The following IL6R variants were observed in gnomAD, a reference collection of about 807,000 sequenced individuals.
The protein encoded by IL6R is interleukin-6 receptor subunit alpha.
IL6R carries 38 observed loss-of-function variants against 48.3 expected under a neutral mutation model. That is an observed-to-expected ratio of 0.79 (90% CI 0.61 to 1.03). The LOEUF (loss-of-function observed/expected upper bound fraction) is 1.03, where lower values mean the gene tolerates loss of function less well. IL6R is among the 50% of genes least tolerant of loss of function. IL6R has a pLI of 0.00. For missense variants in IL6R, 534 were observed against 618.3 expected (o/e 0.86, Z 1.45); for synonymous variants, 264 against 256.2 (o/e 1.03, Z -0.29).
intron 1 of IL6R, among the ~76,000 whole-genome samples, chr1:154,408,716 C>G (rs1362791617): frequency 6.6e-6 from 1 of 152,138 alleles, no homozygotes; most frequent in Non-Finnish European, 1.5e-5. Flanking sequence ...CTCCCTTCCC[C>G]CGTCTCCTGA....
intron 6 of IL6R, among the ~76,000 whole-genome samples, chr1:154,441,187 A>G (rs1689913097): frequency 6.6e-6 from 1 of 152,134 alleles, no homozygotes; most frequent in Admixed American, 6.6e-5. Flanking sequence ...TGGTCTGTGA[A>G]TTCTTCACCT....
chr1:154,433,108 G>A (rs922900967), intron 3 of IL6R, among the ~76,000 whole-genome samples: 2 of 152,220 alleles, frequency 1.3e-5, no homozygotes, highest in South Asian at 2.1e-4. Flanking sequence ...TAAAGCAGTC[G>A]GTGACCCTGC....
At chr1:154,406,218 G>T (rs919005445) in intron 1 of IL6R, among the ~76,000 whole-genome samples, 2 of 152,206 alleles carry the variant, frequency 1.3e-5, no homozygotes, top group Non-Finnish European at 2.9e-5. Flanking sequence ...GGATGACAGT[G>T]CCCTGACTAT....
chr1:154,417,762 T>G (rs2149216166), intron 1 of IL6R, among the ~76,000 whole-genome samples: 1 of 127,494 alleles, frequency 7.8e-6, no homozygotes, highest in South Asian at 2.4e-4. Flanking sequence ...TTTTTTGAGA[T>G]GGAGTTTCAC....
In IL6R at chr1:154,430,706, G is replaced by A. The variant is rs113868182; in HGVS notation, c.458+100G>A. On this transcript the variant is annotated intron_variant, in intron 3 of 9. Transcript: ENST00000368485. The stretch of plus-strand genomic sequence containing the variant: ...GGTGATTTCAAAACATTATCATTAG[G>A]AATTAATTCCTTCAGGCTGAGGAAG... The A allele has an allele frequency of 6.8e-6, 10 of 1,467,758 alleles. No individual in the cohort carries two copies. In the African/African-American group the frequency reaches 1.3e-4, roughly 18 times the overall value. The allele number at this position is 1,467,758 out of a possible 1,614,324, so 90.9% of individuals were successfully genotyped here.
chr1:154,414,327 A>G lies in IL6R; in HGVS notation c.85+8613A>G, dbSNP rs571474415. On this transcript the variant is annotated intron_variant, in intron 1 of 9. Transcript: ENST00000368485. ...AAACCTTGCACTGTAACTGTTTTAA[A>G]TAATGTGTGCCCTGCCCCACCCTGT... 59 of 1,073,420 alleles carry G rather than the reference A, an allele frequency of 5.5e-5. No individual in the cohort carries two copies. In the African/African-American group the frequency reaches 8.5e-4, roughly 15 times the overall value. 66.5% of individuals were successfully genotyped at this position (1,073,420 alleles called of 1,614,324 possible). A position where few individuals can be genotyped will look rare whatever the true frequency, so the allele number is the denominator to read the frequency against.
chr1:154,410,503 G>A (rs186730410), intron 1 of IL6R, among the ~76,000 whole-genome samples: 23 of 152,348 alleles, frequency 1.5e-4, no homozygotes, highest in Admixed American at 1.5e-3. Context: ...CACCCGCCTT[G>A]GCCTCCCAAA....
rs575903906 is a variant in IL6R, at chr1:154,434,074, T to C, written c.459-445T>C. Among the ~76,000 whole-genome samples, 13 of 152,064 alleles carry C rather than the reference T, an allele frequency of 8.5e-5. No homozygotes were observed. In the East Asian group the frequency reaches 2.6e-3, roughly 30 times the overall value. On this transcript the variant is annotated intron_variant, in intron 3 of 9. Coordinates refer to ENST00000368485, the MANE Select transcript of IL6R (RefSeq NM_000565.4). ...CCAGCCACGTGTGATTGTTCATGCC[T>C]GTAATCCCAGCACTTTGGGAGGCTG...
rs1030694716 is a variant in IL6R, at chr1:154,430,712, A to T, written c.458+106A>T. On this transcript the variant is annotated intron_variant, in intron 3 of 9. Coordinates refer to ENST00000368485, the MANE Select transcript of IL6R (RefSeq NM_000565.4). ...TTCAAAACATTATCATTAGGAATTA[A>T]TTCCTTCAGGCTGAGGAAGAGGAGA... is the stretch of plus-strand genomic sequence containing the variant. The T allele has an allele frequency of 4.2e-6, 6 of 1,436,996 alleles. No homozygotes were observed. In the Admixed American group the frequency reaches 1.2e-4, roughly 28 times the overall value. 89.0% of individuals were successfully genotyped at this position (1,436,996 alleles called of 1,614,324 possible). A position where few individuals can be genotyped will look rare whatever the true frequency, so the allele number is the denominator to read the frequency against.
At chr1:154,422,601 A>G (rs12048091) in intron 1 of IL6R, among the ~76,000 whole-genome samples, 24,101 of 152,122 alleles carry the variant, frequency 0.16, 2,048 homozygotes, top group South Asian at 0.18. Flanking sequence ...CACAAAAATT[A>G]TTGAATTCTT....
intron 6 of IL6R, among the ~76,000 whole-genome samples, chr1:154,441,308 TG>T (rs1689919716): frequency 1.3e-5 from 2 of 152,224 alleles, no homozygotes; most frequent in South Asian, 4.1e-4. Context: ...TGGCCAGCAC[TG>T]GGTACGGTCT....
chr1:154,463,286 C>CA (rs1691368592), intron 9 of IL6R, among the ~76,000 whole-genome samples: 1 of 152,154 alleles, frequency 6.6e-6, no homozygotes, highest in African/African-American at 2.4e-5. Flanking sequence ...GAACTCCATT[C>CA]AATGACTCAG....
intron 9 of IL6R, among the ~76,000 whole-genome samples, chr1:154,461,393 G>A (rs1256411059): frequency 1.3e-5 from 2 of 152,094 alleles, no homozygotes; most frequent in Admixed American, 6.5e-5. Context: ...CCCTTTTGCC[G>A]GTCTGCTAAG....
At chr1:154,422,857 C>T (rs556598257) in intron 1 of IL6R, among the ~76,000 whole-genome samples, 1 of 152,206 alleles carries the variant, frequency 6.6e-6, no homozygotes, top group Non-Finnish European at 1.5e-5. Context: ...GGAGCCCCCT[C>T]CTCACCTGGT....
intron 6 of IL6R, among the ~76,000 whole-genome samples, chr1:154,447,223 GA>G (rs1690276371): frequency 6.6e-6 from 1 of 151,520 alleles, no homozygotes; most frequent in African/African-American, 2.4e-5. Context: ...TAGATCACCT[GA>G]GGTCAGGAGT....
In IL6R at chr1:154,449,976, C is replaced by T. The variant is rs773758849; in HGVS notation, c.1062C>T (p.Leu354=). The change falls in exon 8 of 10, where the codon CTC becomes CTT. Residue 354 remains leucine, a synonymous_variant. Transcript: ENST00000368485. ...GAGATTCTGCAAATGCGACAAGCCT[C>T]CCAGGTAAGGACTGGGTATTTTCAT... The part of the protein sequence containing the change: ...LFRDSANATS[L]PVQDSSSVPL... 5 of 1,599,528 alleles carry T rather than the reference C, an allele frequency of 3.1e-6. No homozygotes were observed. Among genetic ancestry groups the T allele is most frequent in the South Asian group, 2.2e-5 (2 of 90,782 alleles).
At chr1:154,459,105 A>G (rs889844310) in intron 9 of IL6R, among the ~76,000 whole-genome samples, 1 of 152,108 alleles carries the variant, frequency 6.6e-6, no homozygotes, top group African/African-American at 2.4e-5. Flanking sequence ...GCTATTGGCT[A>G]AGAGCTGGGC....
chr1:154,441,038 C>T (rs1336508652), intron 6 of IL6R, among the ~76,000 whole-genome samples: 5 of 152,316 alleles, frequency 3.3e-5, no homozygotes, highest in South Asian at 4.1e-4. Context: ...TTATGTGAAC[C>T]TAACTCTGGC....
chr1:154,410,033 G>T (rs1558296010), intron 1 of IL6R, among the ~76,000 whole-genome samples: 2 of 152,288 alleles, frequency 1.3e-5, no homozygotes, highest in Middle Eastern at 6.8e-3. Flanking sequence ...TTAACAATGT[G>T]TACTACCTGA....
Sources: allele counts gnomAD v4.1 joint callset (sites outside exome capture counted in the v4.1 genomes callset), GRCh38; gene constraint gnomAD v4.1.1; transcripts MANE v1.5; gene names NCBI Gene and HGNC (gene_info 2026-07-23, HGNC 2026-07-21).